Variants in ATM observed in about 807,000 individuals in gnomAD.
ATM encodes ATM serine/threonine kinase.
In ATM, 308 loss-of-function variants were observed where a neutral mutation model predicts 387.0. That is an observed-to-expected ratio of 0.80 (90% CI 0.73 to 0.87). The LOEUF is 0.87. ATM is among the 40% of genes least tolerant of loss of function. ATM has a pLI of 0.00. For synonymous variants in ATM, 1,156 were observed against 1,187.3 expected (o/e 0.97, Z 0.54); for missense variants, 3,312 against 3,560.9 (o/e 0.93, Z 1.78).
Position 108,366,735 on chromosome 11 carries a change from C to CATCT in ATM, c.*1228_*1231dup. 1 of 231,190 alleles carries CATCT rather than the reference C, an allele frequency of 4.3e-6. No individual in the cohort carries two copies. Among genetic ancestry groups the CATCT allele is most frequent in the Non-Finnish European group, 8.6e-6 (1 of 116,738 alleles). The allele number at this position is 231,190 out of a possible 1,614,324, so 14.3% of individuals were successfully genotyped here. ...GGCCAAGGCAAACACACTTCCTCCT[C>CATCT]ATCTCCTTGTGCTAGTGGGCAGAAT... On this transcript the variant is annotated 3_prime_UTR_variant, in exon 63 of 63. Transcript: ENST00000675843.
At chr11:108,229,055 T>G (rs1028485915) in intron 3 of ATM, 123 bp from the exon 4 acceptor site, 3 of 914,098 alleles carry the variant, frequency 3.3e-6, no homozygotes, top group Non-Finnish European at 5.0e-6. Flanking sequence ...TTTTTTCAGC[T>G]GATGTAGTAA....
At chr11:108,308,649 A>C (rs922254016) in intron 38 of ATM, 6 of 224,500 alleles carry the variant, frequency 2.7e-5, no homozygotes, top group Admixed American at 2.5e-4. Flanking sequence ...GTAGGAATCG[A>C]TGTCTCATAA....
intron 56 of ATM, among the ~76,000 whole-genome samples, chr11:108,340,755 A>C (rs147461126): frequency 0.015 from 2,256 of 152,318 alleles, 27 homozygotes; most frequent in Middle Eastern, 0.085. Context: ...TGGATACTAA[A>C]ATCAAGTCCC....
chr11:108,328,702 T>C (rs12288149), intron 48 of ATM, among the ~76,000 whole-genome samples: 1,736 of 152,302 alleles, frequency 0.011, 23 homozygotes, highest in African/African-American at 0.038. Flanking sequence ...CTGGGCCACA[T>C]TGCAAGAAGA....
At position 108,278,902 on chromosome 11, in the gene ATM, T is replaced by C. The variant is rs1305321028; in HGVS notation, c.3285-589T>C. Among the ~76,000 whole-genome samples the C allele has an allele frequency of 3.9e-5, 6 of 152,148 alleles. No individual in the cohort carries two copies. In the East Asian group the frequency reaches 7.7e-4, roughly 20 times the overall value. ...CAATAGCAGATATCTAATGTTCAGC[T>C]ATTTTAAGAGCAGTGAGTGAAACTA... On this transcript the variant is annotated intron_variant, in intron 22 of 62. Transcript: ENST00000675843.
At chr11:108,327,800 G>A (rs2085835110) in intron 48 of ATM, 42 bp downstream of exon 48, 1 of 1,355,666 alleles carries the variant, frequency 7.4e-7, no homozygotes. Context: ...TACTTAGCAT[G>A]AATATGCTTC....
rs2084051654 is a variant in ATM, at chr11:108,310,410, A to ATT, written c.5918+97_5918+98dup. 5 of 1,150,970 alleles carry ATT rather than the reference A, an allele frequency of 4.3e-6. No individual in the cohort carries two copies. The South Asian group carries it at 6.1e-5, about 14-fold the overall frequency. 71.3% of individuals were successfully genotyped at this position (1,150,970 alleles called of 1,614,324 possible). On this transcript the variant is annotated intron_variant, in intron 39 of 62. Transcript: ENST00000675843. ...AGATTTATTTTGCCTCCTGTTCCCC[A>ATT]TTTAAAAGATATTTTAGATAGAAAT...
At chr11:108,228,202 TGTTA>T (rs1360447140) in intron 3 of ATM, among the ~76,000 whole-genome samples, 1 of 152,208 alleles carries the variant, frequency 6.6e-6, no homozygotes, top group African/African-American at 2.4e-5. Context: ...TTATAATAAA[TGTTA>T]GGATATTATT....
intron 50 of ATM, chr11:108,331,191 AC>A (rs1350862344): frequency 1.7e-6 from 2 of 1,189,128 alleles, no homozygotes; most frequent in African/African-American, 3.2e-5. Context: ...TATAAACAGT[AC>A]CAAGTATTCT....
chr11:108,238,268 T>A (rs1340778221), intron 5 of ATM, among the ~76,000 whole-genome samples: 1 of 151,804 alleles, frequency 6.6e-6, no homozygotes, highest in Non-Finnish European at 1.5e-5. Flanking sequence ...TTTATAATTG[T>A]CAGCATATAG....
At chr11:108,229,454 T>C in intron 4 of ATM, 131 bp downstream of exon 4, 1 of 917,206 alleles carries the variant, frequency 1.1e-6, no homozygotes, top group East Asian at 2.7e-5. Flanking sequence ...AGATAAAAGT[T>C]GAGTGTAAGT....
At chr11:108,273,637 T>C (rs986357572) in intron 22 of ATM, among the ~76,000 whole-genome samples, 2 of 152,118 alleles carry the variant, frequency 1.3e-5, no homozygotes, top group South Asian at 2.1e-4. Flanking sequence ...CCTTTAATCA[T>C]GTAGTTTTTG....
intron 16 of ATM, among the ~76,000 whole-genome samples, chr11:108,264,296 C>G (rs1185891087): frequency 2.0e-5 from 3 of 152,092 alleles, no homozygotes; most frequent in Non-Finnish European, 4.4e-5. Context: ...ATCAAGTGGG[C>G]TTCATCCCTG....
rs763457172 is a variant in ATM at position 108,297,287 on chromosome 11, A to T, written c.4910A>T (p.Asp1637Val). The change falls in exon 33 of 63, where the codon GAT (aspartate) becomes GTT (valine). Residue 1637 changes from aspartate (D) to valine (V), a missense_variant and splice_region_variant. Physicochemically the swap from Asp to Val is radical, Grantham distance 152 (BLOSUM62 -3). Transcript: ENST00000675843. ...QMVDIMRASQDNPQDGIMVKL... is the reference protein window; with the variant it reads ...QMVDIMRASQVNPQDGIMVKL... ...CTAATTTTTAAAAAATTATTTCTAG[A>T]TAATCCGCAAGATGGGATTATGGTG... The T allele has an allele frequency of 2.5e-6, 4 of 1,613,424 alleles. No homozygotes were observed. In the Admixed American group the frequency reaches 6.7e-5, roughly 27 times the overall value.
At chr11:108,264,480 C>T (rs530624619) in intron 16 of ATM, among the ~76,000 whole-genome samples, 3 of 152,252 alleles carry the variant, frequency 2.0e-5, no homozygotes, top group Admixed American at 6.5e-5. Context: ...TGGGACGTAT[C>T]TCAAAATAAT....
chr11:108,362,974 CAACAA>C (rs757743364), intron 61 of ATM, among the ~76,000 whole-genome samples: 16 of 151,800 alleles, frequency 1.1e-4, no homozygotes, highest in Non-Finnish European at 1.9e-4. Flanking sequence ...AAAAAACAAA[CAACAA>C]AACAAACAAA....
chr11:108,271,677 C>T (rs2081591742), intron 20 of ATM, among the ~76,000 whole-genome samples: 3 of 152,172 alleles, frequency 2.0e-5, no homozygotes, highest in African/African-American at 7.2e-5. Flanking sequence ...TAAAGGATAA[C>T]AAGCCAAAAT....
At chr11:108,255,847 A>G (rs1228283383) in intron 13 of ATM, among the ~76,000 whole-genome samples, 1 of 152,204 alleles carries the variant, frequency 6.6e-6, no homozygotes, top group Non-Finnish European at 1.5e-5. Context: ...ATGTCTCTTT[A>G]TATGACTGTA....
intron 24 of ATM, among the ~76,000 whole-genome samples, chr11:108,281,404 C>T (rs2082227182): frequency 6.6e-6 from 1 of 152,138 alleles, no homozygotes; most frequent in Non-Finnish European, 1.5e-5. Context: ...ATTGTACTAA[C>T]AAGAGTGAAT....
Sources: allele counts gnomAD v4.1 joint callset (sites outside exome capture counted in the v4.1 genomes callset), GRCh38; gene constraint gnomAD v4.1.1; transcripts MANE v1.5; gene names NCBI Gene and HGNC (gene_info 2026-07-23, HGNC 2026-07-21).